The following DOCK3 variants were observed in gnomAD, a reference collection of about 807,000 sequenced individuals.
DOCK3 encodes dedicator of cytokinesis protein 3.
In DOCK3, 60 loss-of-function variants were observed where a neutral mutation model predicts 265.6. The ratio of observed to expected loss-of-function variants is 0.23; its 90% CI spans 0.18 to 0.28. The LOEUF (loss-of-function observed/expected upper bound fraction) is 0.28, where lower values mean the gene tolerates loss of function less well. Ranked by LOEUF, DOCK3 falls within the 10% of genes least tolerant of loss-of-function variation. The pLI is 1.00. For synonymous variants in DOCK3, 881 were observed against 938.0 expected (o/e 0.94, Z 1.11); for missense variants, 1,981 against 2,594.3 (o/e 0.76, Z 5.14).
At chr3:50,810,993 A>G (rs529750274) in intron 2 of DOCK3, among the ~76,000 whole-genome samples, 2 of 152,346 alleles carry the variant, frequency 1.3e-5, no homozygotes, top group South Asian at 4.1e-4. Flanking sequence ...ACTGGATGAA[A>G]GGTTTAAAAA....
intron 5 of DOCK3, among the ~76,000 whole-genome samples, chr3:50,978,894 A>G (rs1172513519): frequency 2.6e-5 from 4 of 152,080 alleles, no homozygotes; most frequent in Admixed American, 6.5e-5. Context: ...TTCGGGTGGG[A>G]GTGACCCGAT....
At chr3:50,968,599 G>C (rs1341143096) in intron 5 of DOCK3, among the ~76,000 whole-genome samples, 1 of 149,876 alleles carries the variant, frequency 6.7e-6, no homozygotes, top group Non-Finnish European at 1.5e-5. Context: ...TGCCAGGCTG[G>C]AGTGCAGTGG....
intron 6 of DOCK3, 52 bp downstream of exon 6, chr3:51,064,648 G>T: frequency 6.3e-7 from 1 of 1,596,854 alleles, no homozygotes; most frequent in Non-Finnish European, 8.6e-7. Context: ...TGATAACTCA[G>T]TCTTCAGGGA....
intron 25 of DOCK3, chr3:51,276,582 C>A: frequency 6.7e-6 from 2 of 299,078 alleles, no homozygotes; most frequent in Non-Finnish European, 9.9e-6. Flanking sequence ...ACTTTGGTCC[C>A]AAGAGCTGCT....
chr3:51,108,912 T>G (rs1194865524), intron 9 of DOCK3, among the ~76,000 whole-genome samples: 4 of 152,174 alleles, frequency 2.6e-5, no homozygotes, highest in Non-Finnish European at 4.4e-5. Context: ...TCAAAGAAAC[T>G]TAGACTCCCA....
chr3:50,854,098 C>A (rs1378619420), intron 3 of DOCK3, among the ~76,000 whole-genome samples: 1 of 152,004 alleles, frequency 6.6e-6, no homozygotes, highest in Non-Finnish European at 1.5e-5. Context: ...ATGTTGGCTG[C>A]TTCTGTGTCT....
chr3:51,350,452 C>T (rs927159221), intron 40 of DOCK3, 60 bp downstream of exon 40: 35 of 1,552,504 alleles, frequency 2.3e-5, no homozygotes, highest in East Asian at 1.8e-4. Flanking sequence ...CACTTAAAAC[C>T]GATATTCTTT....
At chr3:50,781,880 T>G (rs1169070662) in intron 2 of DOCK3, among the ~76,000 whole-genome samples, 1 of 152,172 alleles carries the variant, frequency 6.6e-6, no homozygotes, top group Non-Finnish European at 1.5e-5. Context: ...ATATGTGGTA[T>G]TTGGTTTTCT....
At chr3:50,883,910 A>G (rs987249542) in intron 3 of DOCK3, among the ~76,000 whole-genome samples, 10 of 152,042 alleles carry the variant, frequency 6.6e-5, no homozygotes, top group Non-Finnish European at 1.3e-4. Context: ...GCTGCTGACA[A>G]CCATATGACT....
At chr3:51,169,028 A>T (rs1560154758) in intron 12 of DOCK3, among the ~76,000 whole-genome samples, 2 of 152,230 alleles carry the variant, frequency 1.3e-5, no homozygotes, top group African/African-American at 4.8e-5. Context: ...AACCAAAATC[A>T]CAATGAGATA....
intron 5 of DOCK3, among the ~76,000 whole-genome samples, chr3:51,001,757 C>T (rs564086176): frequency 6.6e-6 from 1 of 152,164 alleles, no homozygotes; most frequent in East Asian, 1.9e-4. Context: ...TTTACATTCC[C>T]ACCAGTAATA....
intron 21 of DOCK3, among the ~76,000 whole-genome samples, chr3:51,241,539 C>T (rs767422592): frequency 1.2e-4 from 18 of 152,136 alleles, no homozygotes; most frequent in Admixed American, 5.9e-4. Context: ...CCATTCTCCC[C>T]GTCTATTTTA....
At chr3:50,787,770 A>G in intron 2 of DOCK3, 1 of 1,148,202 alleles carries the variant, frequency 8.7e-7, no homozygotes, top group Non-Finnish European at 1.3e-6. Context: ...TCTTCTGCTT[A>G]TCATTCTCTC....
intron 12 of DOCK3, among the ~76,000 whole-genome samples, chr3:51,195,710 G>T (rs1014067553): frequency 6.6e-6 from 1 of 151,694 alleles, no homozygotes; most frequent in African/African-American, 2.4e-5. Context: ...GAGCCACTGC[G>T]CCTGGCCATT....
At chr3:50,829,385 C>A (rs1043217027) in intron 2 of DOCK3, among the ~76,000 whole-genome samples, 1 of 152,058 alleles carries the variant, frequency 6.6e-6, no homozygotes, top group Non-Finnish European at 1.5e-5. Context: ...TGTGGGGTTT[C>A]TTGGAATCCT....
rs2039215909 is a variant in DOCK3 at position 50,743,507 on chromosome 3, A to C, written c.38-35168A>C. Among the ~76,000 whole-genome samples, 4 of 149,630 alleles carry C rather than the reference A, an allele frequency of 2.7e-5. No homozygotes were observed. The South Asian group carries it at 8.7e-4, about 33-fold the overall frequency. On this transcript the variant is annotated intron_variant, in intron 1 of 52. Coordinates refer to ENST00000266037, the MANE Select transcript of DOCK3 (RefSeq NM_004947.5). ...TAAAAGGATGGAGGAAGATCTACCA[A>C]GCAAATGGAAAACAAAAAAAGGCAG... is the stretch of plus-strand genomic sequence containing the variant.
rs1167425450 is a variant in DOCK3 at position 51,341,268 on chromosome 3, G to A, written c.3798G>A (p.Glu1266=). ...CATTTACCCTGCTCCTTTACTGTGAGCTGCTGCAGTGGGAGGACCGGCCAC... is the reference window on the plus strand; with the variant it reads ...CATTTACCCTGCTCCTTTACTGTGAACTGCTGCAGTGGGAGGACCGGCCAC... ...EAAFTLLLYC[E]LLQWEDRPLR... is the part of the protein sequence containing the mutation. The change falls in exon 38 of 53, where the codon GAG becomes GAA. Residue 1266 remains glutamate, a synonymous_variant. Coordinates refer to ENST00000266037, the MANE Select transcript of DOCK3 (RefSeq NM_004947.5). 6.2e-7 allele frequency: 1 copy of A among 1,601,908 alleles called. No homozygotes were observed. The highest frequency in any genetic ancestry group is 8.5e-7 in the Non-Finnish European group (1 of 1,173,860).
chr3:50,905,794 A>G (rs1209574109), intron 4 of DOCK3, among the ~76,000 whole-genome samples: 1 of 152,004 alleles, frequency 6.6e-6, no homozygotes, highest in East Asian at 1.9e-4. Context: ...AACTTCCAAC[A>G]CTATGTTGAA....
intron 2 of DOCK3, among the ~76,000 whole-genome samples, chr3:50,782,964 G>A (rs1322093149): frequency 1.3e-5 from 1 of 74,248 alleles, no homozygotes; most frequent in Non-Finnish European, 2.7e-5. Flanking sequence ...TGAATGCCAT[G>A]ATTTTTTTTT....
Sources: gnomAD v4.1 joint callset for allele counts (sites outside exome capture counted in the v4.1 genomes callset) on GRCh38, gnomAD v4.1.1 for gene constraint, MANE v1.5 for transcripts, NCBI Gene and HGNC (gene_info 2026-07-23, HGNC 2026-07-21) for gene names.